The following PRDM16 variants were observed in gnomAD, a reference collection of about 807,000 sequenced individuals.
PRDM16 encodes the protein histone-lysine N-methyltransferase PRDM16.
A neutral mutation model predicts 110.6 loss-of-function variants in PRDM16; 23 were observed. The ratio of observed to expected loss-of-function variants is 0.21; its 90% CI spans 0.15 to 0.29. The LOEUF (loss-of-function observed/expected upper bound fraction) is 0.29, where lower values mean the gene tolerates loss of function less well. Among genes scored for constraint, PRDM16 ranks in the 10% least tolerant of loss-of-function variants. The pLI, the probability that PRDM16 is intolerant of heterozygous loss-of-function variation, is 1.00. For missense variants in PRDM16, 1,615 were observed against 1,794.3 expected (o/e 0.90, Z 1.81); for synonymous variants, 799 against 781.8 (o/e 1.02, Z -0.37).
At chr1:3,153,991 C>T (rs1227937229) in intron 1 of PRDM16, among the ~76,000 whole-genome samples, 3 of 152,210 alleles carry the variant, frequency 2.0e-5, no homozygotes, top group Non-Finnish European at 4.4e-5. Flanking sequence ...GCTTCTGAAG[C>T]AATTAGGCTG....
chr1:3,083,663 G>A (rs1642083758), intron 1 of PRDM16, among the ~76,000 whole-genome samples: 2 of 152,110 alleles, frequency 1.3e-5, no homozygotes, highest in South Asian at 4.1e-4. Flanking sequence ...CCTGCCCTCG[G>A]GGGTTTCCTG....
chr1:3,318,952 T>C (rs1641677311), intron 3 of PRDM16, among the ~76,000 whole-genome samples: 1 of 152,206 alleles, frequency 6.6e-6, no homozygotes, highest in Non-Finnish European at 1.5e-5. Context: ...TGTAATTAAT[T>C]CATTTACATT....
chr1:3,270,092 A>G (rs1028720266), intron 3 of PRDM16, among the ~76,000 whole-genome samples: 1 of 150,544 alleles, frequency 6.6e-6, no homozygotes, highest in African/African-American at 2.4e-5. Context: ...AGAGGATGAC[A>G]GTCAGGGAGG....
rs982247742 is a variant in PRDM16, at chr1:3,382,805, G to T, written c.439-2347G>T. On this transcript the variant is annotated intron_variant, in intron 3 of 16. Coordinates refer to ENST00000270722, the MANE Select transcript of PRDM16 (RefSeq NM_022114.4). This position sits in a 1 kb window ranked among gnomAD's most constrained non-coding sequence, Gnocchi z 6.6. The stretch of plus-strand genomic sequence containing the variant: ...GGAGGGCACGGCCCGCCCTGGGTGA[G>T]CACCAGCCCTCAGCCCACAGGCACT... 6.6e-6 allele frequency among the ~76,000 whole-genome samples: 1 copy of T among 152,178 alleles called. No homozygotes were observed. The highest frequency in any genetic ancestry group is 2.4e-5 in the African/African-American group (1 of 41,448).
At chr1:3,400,411 G>T (rs776734776) in intron 5 of PRDM16, among the ~76,000 whole-genome samples, 1 of 152,188 alleles carries the variant, frequency 6.6e-6, no homozygotes, top group African/African-American at 2.4e-5. Flanking sequence ...TGAAGAATTT[G>T]CAGGCTTGAA....
intron 3 of PRDM16, among the ~76,000 whole-genome samples, chr1:3,383,334 C>T (rs1169277336): frequency 1.3e-5 from 2 of 152,164 alleles, no homozygotes; most frequent in Non-Finnish European, 2.9e-5. Flanking sequence ...CCGCCCTGCA[C>T]CCCAATCTAT....
chr1:3,433,214 C>T (rs1019755430), intron 16 of PRDM16, among the ~76,000 whole-genome samples: 55 of 152,368 alleles, frequency 3.6e-4, no homozygotes, highest in Non-Finnish European at 5.9e-4. Context: ...GCACCAGCAC[C>T]CCAATGTCCT....
At chr1:3,321,826 A>G (rs1048814598) in intron 3 of PRDM16, among the ~76,000 whole-genome samples, 1 of 134,264 alleles carries the variant, frequency 7.4e-6, no homozygotes, top group African/African-American at 2.8e-5. Context: ...ACATGTGTAC[A>G]TGTGTGCATT....
At position 3,246,148 on chromosome 1, in the gene PRDM16, C is replaced by T. The variant is rs1639785990; in HGVS notation, c.438+2011C>T. 6.6e-6 allele frequency among the ~76,000 whole-genome samples: 1 copy of T among 152,174 alleles called. No individual in the cohort carries two copies. Among genetic ancestry groups the T allele is most frequent in the Non-Finnish European group, 1.5e-5 (1 of 68,028 alleles). ...AGAAGGAGGGTGAAGTGGGCGCCGC[C>T]TTCTGTGCCTCTGGGCCACGGTGGG... On this transcript the variant is annotated intron_variant, in intron 3 of 16. Coordinates refer to ENST00000270722, the MANE Select transcript of PRDM16 (RefSeq NM_022114.4). The surrounding 1 kb of genome is among the most constrained non-coding windows in gnomAD (Gnocchi z 5.2).
Position 3,353,815 on chromosome 1 carries a change from C to A in PRDM16, c.439-31337C>A, listed in dbSNP as rs1642540784. Among the ~76,000 whole-genome samples the A allele has an allele frequency of 6.6e-6, 1 of 152,124 alleles. No individual in the cohort carries two copies. Among genetic ancestry groups the A allele is most frequent in the Non-Finnish European group, 1.5e-5 (1 of 67,992 alleles). On this transcript the variant is annotated intron_variant, in intron 3 of 16. Transcript: ENST00000270722. This position sits in a 1 kb window ranked among gnomAD's most constrained non-coding sequence, Gnocchi z 5.4. ...TTGTCACCAGGCCTTACCCTGGGGA[C>A]CCCTGCTCCCAGCGGAGCCAGTAGT... is the stretch of plus-strand genomic sequence containing the variant.
chr1:3,150,502 G>A (rs1358016583), intron 1 of PRDM16, among the ~76,000 whole-genome samples: 1 of 152,156 alleles, frequency 6.6e-6, no homozygotes, highest in Non-Finnish European at 1.5e-5. Context: ...AGATTGCAGT[G>A]AGCCGAAATT....
chr1:3,240,604 A>G (rs1639647070), intron 2 of PRDM16, among the ~76,000 whole-genome samples: 2 of 152,130 alleles, frequency 1.3e-5, no homozygotes, highest in South Asian at 4.1e-4. Flanking sequence ...GCCGGGGCTC[A>G]CTCTGGGTTT....
chr1:3,303,208 T>C (rs1323956253), intron 3 of PRDM16, among the ~76,000 whole-genome samples: 2 of 151,350 alleles, frequency 1.3e-5, no homozygotes, highest in Admixed American at 6.6e-5. Flanking sequence ...CCTCTGACCA[T>C]TAGCAGCCCC....
chr1:3,124,252 C>T (rs560717343), intron 1 of PRDM16, among the ~76,000 whole-genome samples: 1 of 152,186 alleles, frequency 6.6e-6, no homozygotes, highest in Admixed American at 6.5e-5. Context: ...GCAGTGGGGA[C>T]AAGACTTAGA....
chr1:3,250,534 C>G (rs1303217168), intron 3 of PRDM16, among the ~76,000 whole-genome samples: 3 of 152,134 alleles, frequency 2.0e-5, no homozygotes, highest in Non-Finnish European at 4.4e-5. Context: ...TGAAGGATCC[C>G]TTAAATCAGC....
At chr1:3,181,336 A>G (rs866783900) in intron 1 of PRDM16, among the ~76,000 whole-genome samples, 58 of 101,830 alleles carry the variant, frequency 5.7e-4, no homozygotes, top group African/African-American at 9.8e-4. Flanking sequence ...TTACACAAGC[A>G]GTCTTACACA....
intron 3 of PRDM16, among the ~76,000 whole-genome samples, chr1:3,331,872 G>T (rs774585034): frequency 3.9e-5 from 6 of 152,206 alleles, no homozygotes; most frequent in Non-Finnish European, 8.8e-5. Flanking sequence ...CACAGCCCCG[G>T]GGGGCCTCAG....
chr1:3,124,750 G>A lies in PRDM16; in HGVS notation c.37+55454G>A, dbSNP rs554393661. Among the ~76,000 whole-genome samples, 11 of 152,322 alleles carry A rather than the reference G, an allele frequency of 7.2e-5. No individual in the cohort carries two copies. The South Asian group carries it at 1.7e-3, about 23-fold the overall frequency. ...CCCCTCGAAGCCCCCCTCCACCTAA[G>A]GTGGGCCCCAGCAGGATGGGGGGAC... On this transcript the variant is annotated intron_variant, in intron 1 of 16. Coordinates refer to ENST00000270722, the MANE Select transcript of PRDM16 (RefSeq NM_022114.4).
rs116610451 is a variant in PRDM16, at chr1:3,303,452, C to T, written c.438+59315C>T. On this transcript the variant is annotated intron_variant, in intron 3 of 16. Transcript: ENST00000270722. ...TTCCATTGCATGAAACCCACATTTT[C>T]TGTCTGCGTCCAAATGTCCACTAAT... is the stretch of plus-strand genomic sequence containing the variant. 5.8e-3 allele frequency among the ~76,000 whole-genome samples: 878 copies of T among 152,284 alleles called. 16 individuals are homozygous for T. The highest frequency in any genetic ancestry group is 0.02 in the African/African-American group (843 of 41,552).
Sources: allele counts gnomAD v4.1 joint callset (sites outside exome capture counted in the v4.1 genomes callset), GRCh38; gene constraint gnomAD v4.1.1; non-coding constraint Gnocchi (gnomAD v3.1); transcripts MANE v1.5; gene names NCBI Gene and HGNC (gene_info 2026-07-23, HGNC 2026-07-21).